APP: variants seen among roughly 807,000 people sequenced by gnomAD.
APP encodes amyloid beta precursor protein.
In APP, 31 loss-of-function variants were observed where a neutral mutation model predicts 101.4. The observed-to-expected ratio is 0.31, with a 90% CI of 0.23 to 0.41. The LOEUF (loss-of-function observed/expected upper bound fraction) is 0.41. Among genes scored for constraint, APP ranks in the 10% least tolerant of loss-of-function variants. The probability of loss-of-function intolerance (pLI) is 1.00; values close to 1 mark genes in which losing one functional copy is unlikely to be tolerated. For synonymous variants in APP, 366 were observed against 364.4 expected, an observed-to-expected ratio of 1.00 and a Z score of -0.05; for missense variants, 839 against 1,003.7, an observed-to-expected ratio of 0.84 and a Z score of 2.22.
intron 3 of APP, among the ~76,000 whole-genome samples, chr21:26,073,976 G>A (rs1473899079): frequency 6.6e-6 from 1 of 152,114 alleles, no homozygotes; most frequent in Non-Finnish European, 1.5e-5. Context: ...AAGAGCTACA[G>A]GACCTATTCA....
intron 11 of APP, among the ~76,000 whole-genome samples, chr21:25,972,117 T>C (rs1212253896): frequency 1.3e-5 from 2 of 152,230 alleles, no homozygotes. Flanking sequence ...AGTTTTCATA[T>C]AATAACTGTA....
At chr21:25,882,360 T>C (rs1011010132) in intron 17 of APP, among the ~76,000 whole-genome samples, 1 of 149,112 alleles carries the variant, frequency 6.7e-6, no homozygotes, top group African/African-American at 2.5e-5. Flanking sequence ...AAGGGGGCTA[T>C]TATTTGGCAC....
rs1555851817 is a variant in APP at position 26,032,803 on chromosome 21, A to ATATAT, written c.663-10762_663-10761insATATA. 1.1e-3 allele frequency among the ~76,000 whole-genome samples: 146 copies of ATATAT among 127,738 alleles called. 1 individual carries two copies. The highest frequency in any genetic ancestry group is 3.9e-3 in the Admixed American group (46 of 11,756). 83.8% of individuals were successfully genotyped at this position (127,738 alleles called of 152,430 possible). On this transcript the variant is annotated intron_variant, in intron 5 of 17. Coordinates refer to ENST00000346798, the MANE Select transcript of APP (RefSeq NM_000484.4). ...GGGGCTTATTATTTTAGAAAAAAAA[A>ATATAT]AAATATATATATATATATAAAGAGC...
In APP at chr21:25,954,157, G is replaced by T. The variant is rs1357753682; in HGVS notation, c.1687+433C>A. ...GCTACTTATAATGCATGTGACACAG[G>T]CCAGTAAGTTACTCAAATTTTAAGT... is the stretch of plus-strand genomic sequence containing the variant. On this transcript the variant is annotated intron_variant, in intron 13 of 17. Transcript: ENST00000346798. Among the ~76,000 whole-genome samples, 3 of 152,160 alleles carry T rather than the reference G, an allele frequency of 2.0e-5. No individual in the cohort carries two copies. The East Asian group carries it at 5.8e-4, about 29-fold the overall frequency.
In APP at chr21:26,093,448, A is replaced by G. The variant is rs2146125666; in HGVS notation, c.226-3376T>C. Among the ~76,000 whole-genome samples, 4 of 152,294 alleles carry G rather than the reference A, an allele frequency of 2.6e-5. No homozygotes were observed. The South Asian group carries it at 8.3e-4, about 32-fold the overall frequency. On this transcript the variant is annotated intron_variant, in intron 2 of 17. Coordinates refer to ENST00000346798, the MANE Select transcript of APP (RefSeq NM_000484.4). ...GCATATTCACATCATGGTTCCCTCT[A>G]TACAACTTAAAACCAACGAATTGTT...
chr21:25,947,412 A>G (rs151303311), intron 13 of APP, among the ~76,000 whole-genome samples: 327 of 152,358 alleles, frequency 2.1e-3, no homozygotes, highest in Non-Finnish European at 2.9e-3. Flanking sequence ...ACACATTTGT[A>G]TCTTGCTGTG....
chr21:25,997,085 T>C, intron 8 of APP: 1 of 490,150 alleles, frequency 2.0e-6, no homozygotes, highest in Non-Finnish European at 3.7e-6. Context: ...AATACAATGA[T>C]GTTGTCCATA....
At chr21:26,068,949 C>G (rs898700245) in intron 3 of APP, among the ~76,000 whole-genome samples, 3 of 152,164 alleles carry the variant, frequency 2.0e-5, no homozygotes, top group Non-Finnish European at 2.9e-5. Flanking sequence ...GTACTAGAAT[C>G]AAGTGCCCAA....
At chr21:25,969,703 A>G (rs1056586347) in intron 11 of APP, among the ~76,000 whole-genome samples, 10 of 151,304 alleles carry the variant, frequency 6.6e-5, no homozygotes, top group Admixed American at 1.3e-4. Flanking sequence ...TTAGCCACAC[A>G]TGGTGGAGCT....
intron 6 of APP, among the ~76,000 whole-genome samples, chr21:26,013,853 C>T (rs1343293594): frequency 2.0e-5 from 3 of 152,152 alleles, no homozygotes; most frequent in Non-Finnish European, 1.5e-5. Flanking sequence ...CGGAAAGATG[C>T]TTGTCCATGT....
intron 3 of APP, among the ~76,000 whole-genome samples, chr21:26,076,253 C>G (rs934929158): frequency 1.3e-5 from 2 of 152,170 alleles, no homozygotes; most frequent in African/African-American, 4.8e-5. Flanking sequence ...TCAGGATCCA[C>G]ATCATGGGTC....
At chr21:25,974,433 G>C (rs2042151046) in intron 11 of APP, among the ~76,000 whole-genome samples, 1 of 152,152 alleles carries the variant, frequency 6.6e-6, no homozygotes, top group Non-Finnish European at 1.5e-5. Flanking sequence ...CATGAGGGCA[G>C]AGCCTTCAAG....
intron 16 of APP, among the ~76,000 whole-genome samples, chr21:25,896,310 G>C (rs146350851): frequency 2.8e-4 from 42 of 152,220 alleles, no homozygotes; most frequent in African/African-American, 9.2e-4. Context: ...TTGGAGTCAA[G>C]TAAGGCATAA....
intron 11 of APP, 66 bp from the exon 12 acceptor site, chr21:25,955,821 T>C (rs2041294054): frequency 6.2e-7 from 1 of 1,610,608 alleles, no homozygotes; most frequent in Non-Finnish European, 8.5e-7. Flanking sequence ...CCATTGGCGA[T>C]GGGTTAGAGG....
At chr21:25,968,138 G>C (rs2041867502) in intron 11 of APP, among the ~76,000 whole-genome samples, 1 of 151,890 alleles carries the variant, frequency 6.6e-6, no homozygotes, top group Non-Finnish European at 1.5e-5. Flanking sequence ...AATATTTCAA[G>C]TATTTATCTC....
chr21:25,940,458 GA>G (rs2040530264), intron 13 of APP, among the ~76,000 whole-genome samples: 1 of 152,120 alleles, frequency 6.6e-6, no homozygotes, highest in Admixed American at 6.5e-5. Context: ...TCCTTATCAT[GA>G]CAAGGCATAA....
At chr21:25,970,355 T>C (rs1310136461) in intron 11 of APP, among the ~76,000 whole-genome samples, 3 of 152,168 alleles carry the variant, frequency 2.0e-5, no homozygotes, top group Non-Finnish European at 4.4e-5. Context: ...CCTCAGCTTA[T>C]TTTTAGTCCC....
rs200103591 is a variant in APP at position 26,021,963 on chromosome 21, C to T, written c.742G>A (p.Asp248Asn). 157 of 1,613,714 alleles carry T rather than the reference C, an allele frequency of 9.7e-5. 1 individual carries two copies. Among genetic ancestry groups the T allele is most frequent in the African/African-American group, 7.2e-4 (54 of 74,926 alleles). ...TCCTCTACCTCATCACCATCCTCATCGTCCTCGTCATCATCGGCTTCTTCT... is the reference window on the plus strand; with the variant it reads ...TCCTCTACCTCATCACCATCCTCATTGTCCTCGTCATCATCGGCTTCTTCT... ...EEEEADDDED[D>N]EDGDEVEEEA... The change falls in exon 6 of 18, where the codon GAT (aspartate) becomes AAT (asparagine). Residue 248 changes from aspartate to asparagine, a missense_variant. Physicochemically the swap from Asp to Asn is conservative, Grantham distance 23. Transcript: ENST00000346798.
At chr21:26,035,078 G>C in intron 5 of APP, among the ~76,000 whole-genome samples, 1 of 151,944 alleles carries the variant, frequency 6.6e-6, no homozygotes, top group East Asian at 1.9e-4. Flanking sequence ...TTGAGTTCAG[G>C]AGTTTGAGAC....
Sources: gnomAD v4.1 joint callset for allele counts (sites outside exome capture counted in the v4.1 genomes callset) on GRCh38, gnomAD v4.1.1 for gene constraint, MANE v1.5 for transcripts, NCBI Gene and HGNC (gene_info 2026-07-23, HGNC 2026-07-21) for gene names.